NAA16: variants seen among roughly 807,000 people sequenced by gnomAD.
NAA16 encodes N-alpha-acetyltransferase 16, NatA auxiliary subunit.
NAA16 carries 97 observed loss-of-function variants against 110.3 expected under a neutral mutation model. The observed-to-expected ratio is 0.88, with a 90% CI of 0.75 to 1.04. NAA16 has a LOEUF of 1.04. Ranked by LOEUF, NAA16 falls within the 50% of genes least tolerant of loss-of-function variation. The probability of loss-of-function intolerance (pLI) is 0.00; values close to 1 mark genes in which losing one functional copy is unlikely to be tolerated. For synonymous variants in NAA16, 372 were observed against 330.6 expected, an observed-to-expected ratio of 1.13 and a Z score of -1.36; for missense variants, 1,017 against 1,005.1, an observed-to-expected ratio of 1.01 and a Z score of -0.16.
chr13:41,363,296 T>G (rs1346477245), intron 13 of NAA16, among the ~76,000 whole-genome samples: 1 of 152,182 alleles, frequency 6.6e-6, no homozygotes, highest in Non-Finnish European at 1.5e-5. Flanking sequence ...ACATTTTTAT[T>G]AACTAGGACA....
At chr13:41,336,786 A>G (rs764198798) in intron 9 of NAA16, 30 bp downstream of exon 9, 29 of 1,314,318 alleles carry the variant, frequency 2.2e-5, no homozygotes, top group Non-Finnish European at 2.7e-5. Context: ...CAGATTTGCT[A>G]TAGTCTTTTT....
At chr13:41,319,004 GAAGA>G (rs1253144793) in intron 3 of NAA16, 94 bp downstream of exon 3, 1 of 576,154 alleles carries the variant, frequency 1.7e-6, no homozygotes, top group Non-Finnish European at 2.9e-6. Flanking sequence ...AACCTACGTA[GAAGA>G]GAGAATTTAA....
At chr13:41,362,913 T>G in intron 13 of NAA16, 11 of 1,129,538 alleles carry the variant, frequency 9.7e-6, no homozygotes, top group Non-Finnish European at 1.2e-5. Context: ...ACTTTGGCCT[T>G]TTTCCCACGT....
chr13:41,318,992 C>T, intron 3 of NAA16, 82 bp downstream of exon 3: 1 of 681,198 alleles, frequency 1.5e-6, no homozygotes, highest in Middle Eastern at 3.1e-4. Flanking sequence ...ATGAAAATTC[C>T]AAACCTACGT....
intron 8 of NAA16, among the ~76,000 whole-genome samples, chr13:41,332,456 T>C (rs1430429940): frequency 1.3e-5 from 2 of 152,226 alleles, no homozygotes; most frequent in Non-Finnish European, 2.9e-5. Context: ...TGAGTCGAGT[T>C]ATTGTATGTA....
intron 5 of NAA16, among the ~76,000 whole-genome samples, chr13:41,323,827 A>G (rs2042013296): frequency 6.6e-6 from 1 of 152,120 alleles, no homozygotes; most frequent in South Asian, 2.1e-4. Context: ...ATTCAGCTGC[A>G]AGTTGATGGA....
chr13:41,332,313 AC>A, intron 8 of NAA16, among the ~76,000 whole-genome samples: 1 of 152,096 alleles, frequency 6.6e-6, no homozygotes. Context: ...TTTTGCCATT[AC>A]TTTTATTTTT....
intron 15 of NAA16, 59 bp from the exon 16 acceptor site, chr13:41,372,143 AG>A: frequency 7.6e-7 from 1 of 1,314,590 alleles, no homozygotes; most frequent in Non-Finnish European, 1.0e-6. Flanking sequence ...ATAAAATTTT[AG>A]GGGAAATTTG....
rs201186534 is a variant in NAA16 at position 41,372,340 on chromosome 13, A to G, written c.2056+29A>G. On this transcript the variant is annotated intron_variant, in intron 16 of 19. Coordinates refer to ENST00000379406, the MANE Select transcript of NAA16 (RefSeq NM_024561.5). ...ATAAATAGTTTGAGTTCAGTTTTTA[A>G]TCTTTAATTATATTTGTGACCATAT... 119 of 1,553,024 alleles carry G rather than the reference A, an allele frequency of 7.7e-5. No individual in the cohort carries two copies. The East Asian group carries it at 2.7e-3, about 35-fold the overall frequency.
intron 9 of NAA16, among the ~76,000 whole-genome samples, chr13:41,346,547 A>G (rs2042685242): frequency 6.6e-6 from 1 of 152,138 alleles, no homozygotes; most frequent in South Asian, 2.1e-4. Flanking sequence ...TACTGCCTTC[A>G]TCGAGGTTTC....
At chr13:41,319,429 C>A (rs900894549) in intron 3 of NAA16, among the ~76,000 whole-genome samples, 5 of 152,104 alleles carry the variant, frequency 3.3e-5, no homozygotes, top group African/African-American at 9.7e-5. Context: ...AGCTTGGTTT[C>A]TGTTAACACA....
At chr13:41,372,857 C>T (rs527955436) in intron 17 of NAA16, 27 bp downstream of exon 17, 67 of 1,483,160 alleles carry the variant, frequency 4.5e-5, no homozygotes, top group South Asian at 1.5e-4. Context: ...ACCATATTTA[C>T]ATTTGTGAAT....
At position 41,358,376 on chromosome 13, in the gene NAA16, T is replaced by C; in HGVS notation, c.1160T>C (p.Leu387Pro). ...TTCCTGGCACAGCACTTTGATAAAC[T>C]TGGACAGTATTCTTTGGCTTTGGAT... Reference protein sequence around the residue: ...QYFLAQHFDKLGQYSLALDYI... With the variant: ...QYFLAQHFDKPGQYSLALDYI... The change falls in exon 11 of 20, where the codon CTT (leucine) becomes CCT (proline). Residue 387 changes from leucine to proline, a missense_variant. By Grantham distance (98) the Leu-to-Pro change is moderately conservative. Transcript: ENST00000379406. The C allele has an allele frequency of 6.2e-7, 1 of 1,613,964 alleles. No homozygotes were observed. Among genetic ancestry groups the C allele is most frequent in the Non-Finnish European group, 8.5e-7 (1 of 1,179,846 alleles).
At chr13:41,363,716 G>T (rs983887742) in intron 13 of NAA16, among the ~76,000 whole-genome samples, 1 of 152,074 alleles carries the variant, frequency 6.6e-6, no homozygotes, top group Non-Finnish European at 1.5e-5. Context: ...AAAATCATTG[G>T]TTGTCACAGA....
In NAA16 at chr13:41,373,771, C is replaced by A; in HGVS notation, c.2290C>A (p.Leu764Ile). The change falls in exon 18 of 20, where the codon CTA (leucine) becomes ATA (isoleucine). Residue 764 changes from leucine (L) to isoleucine (I), a missense_variant. Transcript: ENST00000379406. ...LKRNATSLQH[L>I]LSGAKMMYFL... ...ACGTAACGCTACCTCTCTTCAGCAT[C>A]TACTTTCAGGTTTGTTTGTAGCCCC... is the stretch of plus-strand genomic sequence containing the variant. 1 of 1,598,352 alleles carries A rather than the reference C, an allele frequency of 6.3e-7. No individual in the cohort carries two copies. The highest frequency in any genetic ancestry group is 1.1e-5 in the South Asian group (1 of 87,534).
chr13:41,319,411 G>T (rs1593410250), intron 3 of NAA16, among the ~76,000 whole-genome samples: 1 of 152,160 alleles, frequency 6.6e-6, no homozygotes, highest in East Asian at 1.9e-4. Context: ...GTATGATATT[G>T]GTTCTTGAGC....
At chr13:41,356,201 G>A (rs979298833) in intron 10 of NAA16, among the ~76,000 whole-genome samples, 4 of 152,122 alleles carry the variant, frequency 2.6e-5, no homozygotes, top group East Asian at 1.9e-4. Flanking sequence ...GGGTTTGGGG[G>A]AGGTTTCTAG....
chr13:41,369,564 G>C (rs144152924), intron 15 of NAA16, among the ~76,000 whole-genome samples: 90 of 152,332 alleles, frequency 5.9e-4, no homozygotes, highest in African/African-American at 2.0e-3. Flanking sequence ...TGGCAAGGGA[G>C]AATTAAGGTG....
chr13:41,352,073 G>T (rs539462058), intron 9 of NAA16, among the ~76,000 whole-genome samples: 2 of 152,320 alleles, frequency 1.3e-5, no homozygotes, highest in East Asian at 3.9e-4. Flanking sequence ...CAGGGCTGGT[G>T]GCTCATGCGT....
Sources: gnomAD v4.1 joint callset for allele counts (sites outside exome capture counted in the v4.1 genomes callset) on GRCh38, gnomAD v4.1.1 for gene constraint, MANE v1.5 for transcripts, NCBI Gene and HGNC (gene_info 2026-07-23, HGNC 2026-07-21) for gene names.